Variants in B3GALT1 observed in about 807,000 individuals in gnomAD.
The protein encoded by B3GALT1 is beta-1,3-galactosyltransferase 1.
B3GALT1 carries 10 observed loss-of-function variants against 23.2 expected under a neutral mutation model. The ratio of observed to expected loss-of-function variants is 0.43; its 90% CI spans 0.27 to 0.73. B3GALT1 has a LOEUF of 0.73. B3GALT1 is among the 30% of genes least tolerant of loss of function. The pLI is 0.21. For synonymous variants in B3GALT1, 156 were observed against 141.5 expected (o/e 1.10, Z -0.73); for missense variants, 299 against 405.4 (o/e 0.74, Z 2.25).
chr2:167,503,414 A>T (rs1305505196), intron 2 of B3GALT1, among the ~76,000 whole-genome samples: 1 of 152,192 alleles, frequency 6.6e-6, no homozygotes, highest in African/African-American at 2.4e-5. Flanking sequence ...GCAAAAAGTG[A>T]AAAAGCTTAC....
chr2:167,695,408 T>C (rs1409867494), intron 3 of B3GALT1, among the ~76,000 whole-genome samples: 1 of 152,166 alleles, frequency 6.6e-6, no homozygotes, highest in Non-Finnish European at 1.5e-5. Context: ...AATGAACATA[T>C]ATTTGATGAA....
intron 4 of B3GALT1, among the ~76,000 whole-genome samples, chr2:167,829,147 T>A (rs1689289013): frequency 6.6e-6 from 1 of 152,214 alleles, no homozygotes; most frequent in Non-Finnish European, 1.5e-5. Flanking sequence ...TATAATGTCC[T>A]ACTCACTATA....
chr2:167,664,083 T>C (rs981832376), intron 3 of B3GALT1, among the ~76,000 whole-genome samples: 18 of 151,238 alleles, frequency 1.2e-4, no homozygotes, highest in Middle Eastern at 3.4e-3. Context: ...TGTAGGGTTT[T>C]TATGGTTTTA....
chr2:167,771,493 C>A (rs1182561356), intron 3 of B3GALT1, among the ~76,000 whole-genome samples: 4 of 152,172 alleles, frequency 2.6e-5, no homozygotes, highest in Admixed American at 6.5e-5. Flanking sequence ...ATTGCTTGAA[C>A]CCAGGAGGCA....
At chr2:167,837,923 G>C (rs1689522905) in intron 4 of B3GALT1, among the ~76,000 whole-genome samples, 1 of 152,106 alleles carries the variant, frequency 6.6e-6, no homozygotes, top group African/African-American at 2.4e-5. Flanking sequence ...GCTCCTGAAT[G>C]ACTACTGGGT....
intron 2 of B3GALT1, among the ~76,000 whole-genome samples, chr2:167,621,843 C>T (rs1685265854): frequency 1.3e-5 from 2 of 152,028 alleles, no homozygotes; most frequent in African/African-American, 4.8e-5. Context: ...CCCCTTCTAC[C>T]TTCCACCATG....
chr2:167,330,995 C>A (rs1039257879), intron 1 of B3GALT1, among the ~76,000 whole-genome samples: 22 of 151,720 alleles, frequency 1.5e-4, no homozygotes, highest in African/African-American at 5.3e-4. Context: ...TTCATATGGA[C>A]GGATGTTTTT....
At chr2:167,861,728 C>A (rs1690104169) in intron 4 of B3GALT1, among the ~76,000 whole-genome samples, 1 of 152,130 alleles carries the variant, frequency 6.6e-6, no homozygotes, top group Non-Finnish European at 1.5e-5. Context: ...CTACCTGAAA[C>A]TGTTTTTGCA....
rs552536027 is a variant in B3GALT1 at position 167,665,514 on chromosome 2, A to G, written c.-352+18548A>G. ...GGGAGGATTCCCTCTTTTTCTATTG[A>G]TTGGAATAGTTTCAGAAGGAATGGT... On this transcript the variant is annotated intron_variant, in intron 3 of 4. Coordinates refer to ENST00000392690, the MANE Select transcript of B3GALT1 (RefSeq NM_020981.4). Among the ~76,000 whole-genome samples the G allele has an allele frequency of 3.1e-4, 47 of 151,056 alleles. No homozygotes were observed. In the East Asian group the frequency reaches 8.6e-3, roughly 28 times the overall value.
chr2:167,802,303 G>C (rs1220171821), intron 3 of B3GALT1, among the ~76,000 whole-genome samples: 2 of 152,194 alleles, frequency 1.3e-5, no homozygotes, highest in Non-Finnish European at 2.9e-5. Context: ...CTCAGCATCT[G>C]AACTTAAGCC....
At chr2:167,756,966 A>C (rs1258650486) in intron 3 of B3GALT1, among the ~76,000 whole-genome samples, 1 of 152,174 alleles carries the variant, frequency 6.6e-6, no homozygotes, top group Non-Finnish European at 1.5e-5. Flanking sequence ...GGGGTTCTCA[A>C]GTCCTCAAGT....
At chr2:167,804,384 A>G (rs1258051503) in intron 3 of B3GALT1, among the ~76,000 whole-genome samples, 1 of 151,434 alleles carries the variant, frequency 6.6e-6, no homozygotes, top group Non-Finnish European at 1.5e-5. Flanking sequence ...TGTGCAGGTT[A>G]GTTACATATG....
chr2:167,515,551 T>A (rs957631482), intron 2 of B3GALT1, among the ~76,000 whole-genome samples: 5 of 152,146 alleles, frequency 3.3e-5, no homozygotes, highest in African/African-American at 7.2e-5. Context: ...GCCAACAGAT[T>A]ACAGCATCAG....
chr2:167,684,831 C>A (rs565463647), intron 3 of B3GALT1, among the ~76,000 whole-genome samples: 1 of 152,318 alleles, frequency 6.6e-6, no homozygotes, highest in African/African-American at 2.4e-5. Flanking sequence ...GATCAGATGG[C>A]AGTGATGCCA....
At chr2:167,868,003 G>GT (rs1213454379) in intron 4 of B3GALT1, among the ~76,000 whole-genome samples, 1 of 151,844 alleles carries the variant, frequency 6.6e-6, no homozygotes, top group Non-Finnish European at 1.5e-5. Flanking sequence ...ATGTAACTAG[G>GT]TAAAAAAAAA....
chr2:167,575,501 G>C (rs1374822501), intron 2 of B3GALT1, among the ~76,000 whole-genome samples: 1 of 151,794 alleles, frequency 6.6e-6, no homozygotes, highest in African/African-American at 2.4e-5. Flanking sequence ...TGGCACACCA[G>C]CAGAGGCTCC....
chr2:167,620,925 TATC>T (rs906298958), intron 2 of B3GALT1, among the ~76,000 whole-genome samples: 3 of 152,020 alleles, frequency 2.0e-5, no homozygotes, highest in African/African-American at 4.8e-5. Flanking sequence ...TTTTTAACCT[TATC>T]ATCATCCAGA....
chr2:167,461,166 C>T (rs1699254065), intron 1 of B3GALT1, among the ~76,000 whole-genome samples: 1 of 152,202 alleles, frequency 6.6e-6, no homozygotes, highest in Admixed American at 6.5e-5. Context: ...ATTTGGATGA[C>T]AGAGTTCATT....
At chr2:167,333,395 C>G (rs1335178294) in intron 1 of B3GALT1, among the ~76,000 whole-genome samples, 4 of 152,184 alleles carry the variant, frequency 2.6e-5, no homozygotes, top group Admixed American at 2.6e-4. Flanking sequence ...TCAAAATTCT[C>G]TTTAAGAATT....
Sources: allele counts gnomAD v4.1 joint callset (sites outside exome capture counted in the v4.1 genomes callset), GRCh38; gene constraint gnomAD v4.1.1; transcripts MANE v1.5; gene names NCBI Gene and HGNC (gene_info 2026-07-23, HGNC 2026-07-21).